Variants in GUCY1A2 observed in about 807,000 individuals in gnomAD.
GUCY1A2 encodes the protein guanylate cyclase 1 soluble subunit alpha 2.
GUCY1A2 carries 27 observed loss-of-function variants against 63.5 expected under a neutral mutation model. The ratio of observed to expected loss-of-function variants is 0.43; its 90% CI spans 0.31 to 0.59. The LOEUF is 0.59. Among genes scored for constraint, GUCY1A2 ranks in the 20% least tolerant of loss-of-function variants. GUCY1A2 has a pLI of 0.11. For synonymous variants in GUCY1A2, 364 were observed against 343.5 expected (o/e 1.06, Z -0.66); for missense variants, 768 against 913.3 (o/e 0.84, Z 2.05).
chr11:106,937,221 A>C (rs1030705563), intron 4 of GUCY1A2, among the ~76,000 whole-genome samples: 1 of 152,156 alleles, frequency 6.6e-6, no homozygotes, highest in African/African-American at 2.4e-5. Flanking sequence ...CTATTACTTT[A>C]TTTTTAAACT....
intron 6 of GUCY1A2, among the ~76,000 whole-genome samples, chr11:106,709,503 TA>T (rs1863011484): frequency 1.9e-5 from 1 of 52,160 alleles, no homozygotes; most frequent in African/African-American, 1.5e-4. Flanking sequence ...TATATAATAA[TA>T]TATATTATTC....
At chr11:106,959,430 C>T (rs1008482296) in intron 3 of GUCY1A2, among the ~76,000 whole-genome samples, 2 of 152,128 alleles carry the variant, frequency 1.3e-5, no homozygotes, top group Non-Finnish European at 2.9e-5. Flanking sequence ...TTTATGTACT[C>T]GGATTCATAA....
chr11:106,682,128 T>C lies in GUCY1A2; in HGVS notation c.*5421A>G, dbSNP rs991339229. The C allele has an allele frequency of 2.9e-5, 6 of 210,402 alleles. No homozygotes were observed. Among genetic ancestry groups the C allele is most frequent in the African/African-American group, 1.4e-4 (6 of 42,586 alleles). 13.0% of individuals were successfully genotyped at this position (210,402 alleles called of 1,614,324 possible). The stretch of plus-strand genomic sequence containing the variant: ...ATTCATCCCTCATGCTTATCAGTGT[T>C]GACGTCTGTCTCTAAGTTTGAAGAT... On this transcript the variant is annotated 3_prime_UTR_variant, in exon 8 of 8. Coordinates refer to ENST00000526355, the MANE Select transcript of GUCY1A2 (RefSeq NM_000855.3).
rs568683372 is a variant in GUCY1A2, at chr11:107,010,416, G to A, written c.303+7337C>T. 3.9e-5 allele frequency among the ~76,000 whole-genome samples: 6 copies of A among 152,214 alleles called. No homozygotes were observed. In the East Asian group the frequency reaches 7.7e-4, roughly 20 times the overall value. ...GAAAATATAAGCAATCCAGACTGTA[G>A]AAGAGTCATTACATTTACCTAACTT... On this transcript the variant is annotated intron_variant, in intron 1 of 7. Coordinates refer to ENST00000526355, the MANE Select transcript of GUCY1A2 (RefSeq NM_000855.3).
At chr11:107,006,978 A>G (rs1861679508) in intron 1 of GUCY1A2, among the ~76,000 whole-genome samples, 2 of 152,226 alleles carry the variant, frequency 1.3e-5, no homozygotes, top group Admixed American at 6.5e-5. Flanking sequence ...GAAGGAAAAT[A>G]TCCACTGCAC....
chr11:106,999,068 C>T lies in GUCY1A2; in HGVS notation c.304-12937G>A, dbSNP rs1861579724. ...TTTAGGAGCACCAGGAGAGCTATCT[C>T]CATCCCACCCACAACCCCATGTTCC... is the stretch of plus-strand genomic sequence containing the variant. On this transcript the variant is annotated intron_variant, in intron 1 of 7. Transcript: ENST00000526355. Among the ~76,000 whole-genome samples, 8 of 152,196 alleles carry T rather than the reference C, an allele frequency of 5.3e-5. No homozygotes were observed. The South Asian group carries it at 1.7e-3, about 31-fold the overall frequency.
intron 7 of GUCY1A2, among the ~76,000 whole-genome samples, chr11:106,699,005 T>A (rs1862771539): frequency 6.6e-6 from 1 of 152,202 alleles, no homozygotes; most frequent in Non-Finnish European, 1.5e-5. Context: ...ATAAACACAC[T>A]AATCATAAGG....
chr11:106,750,219 A>G (rs1395353053), intron 6 of GUCY1A2, among the ~76,000 whole-genome samples: 1 of 152,028 alleles, frequency 6.6e-6, no homozygotes, highest in East Asian at 1.9e-4. Flanking sequence ...CAAGTGTCCA[A>G]AACAGGCAAA....
chr11:106,676,166 T>C lies in GUCY1A2; in HGVS notation c.*11383A>G, dbSNP rs1174895347. ...ATACAATTTTAAGTTTGGGAGATTA[T>C]AAATTCTTTAAATCTTGTTCAAGAT... On this transcript the variant is annotated 3_prime_UTR_variant, in exon 8 of 8. Coordinates refer to ENST00000526355, the MANE Select transcript of GUCY1A2 (RefSeq NM_000855.3). 1 of 181,436 alleles carries C rather than the reference T, an allele frequency of 5.5e-6. No homozygotes were observed. Among genetic ancestry groups the C allele is most frequent in the Non-Finnish European group, 1.2e-5 (1 of 85,046 alleles). The allele number at this position is 181,436 out of a possible 1,614,324, so 11.2% of individuals were successfully genotyped here. A position where few individuals can be genotyped will look rare whatever the true frequency, so the allele number is the denominator to read the frequency against.
rs1005006056 is a variant in GUCY1A2, at chr11:106,675,129, A to G, written c.*12420T>C. On this transcript the variant is annotated 3_prime_UTR_variant, in exon 8 of 8. Transcript: ENST00000526355. ...GTAGGTTGATTTTGAAATGAATGAT[A>G]TGTATTATTTCTGGAATGCACTTAA... 4.7e-6 allele frequency: 1 copy of G among 213,606 alleles called. No homozygotes were observed. The highest frequency in any genetic ancestry group is 9.5e-6 in the Non-Finnish European group (1 of 105,676). The allele number at this position is 213,606 out of a possible 1,614,324, so 13.2% of individuals were successfully genotyped here.
chr11:106,779,375 T>C (rs948814954), intron 5 of GUCY1A2, among the ~76,000 whole-genome samples: 1 of 152,238 alleles, frequency 6.6e-6, no homozygotes, highest in Non-Finnish European at 1.5e-5. Flanking sequence ...TGTGCCTATT[T>C]ACCATTTTAC....
intron 4 of GUCY1A2, among the ~76,000 whole-genome samples, chr11:106,873,585 T>A (rs904847811): frequency 6.6e-6 from 1 of 152,196 alleles, no homozygotes; most frequent in Non-Finnish European, 1.5e-5. Flanking sequence ...AAGTGTATGT[T>A]CATATCCTTT....
chr11:106,965,288 T>A (rs1425545862), intron 3 of GUCY1A2, among the ~76,000 whole-genome samples: 1 of 152,114 alleles, frequency 6.6e-6, no homozygotes, highest in East Asian at 1.9e-4. Flanking sequence ...AATTCCTTCA[T>A]CTGTAAAATG....
rs77097081 is a variant in GUCY1A2, at chr11:106,695,075, C to T, written c.1992-7319G>A. Among the ~76,000 whole-genome samples the T allele has an allele frequency of 6.9e-3, 1,058 of 152,232 alleles. 15 individuals carry two copies. Among genetic ancestry groups the T allele is most frequent in the African/African-American group, 0.023 (972 of 41,538 alleles). On this transcript the variant is annotated intron_variant, in intron 7 of 7. Coordinates refer to ENST00000526355, the MANE Select transcript of GUCY1A2 (RefSeq NM_000855.3). ...GAATATACTTGCTTCTTACCCACTC[C>T]CTCTTCTGTAGGACCTGAGACTTCA...
At chr11:106,951,046 C>T (rs534609531) in intron 3 of GUCY1A2, among the ~76,000 whole-genome samples, 1 of 152,298 alleles carries the variant, frequency 6.6e-6, no homozygotes, top group South Asian at 2.1e-4. Flanking sequence ...CCAGCTTCAT[C>T]CATGTCCCTG....
At chr11:106,770,773 A>C (rs1337865890) in intron 6 of GUCY1A2, among the ~76,000 whole-genome samples, 4 of 151,384 alleles carry the variant, frequency 2.6e-5, no homozygotes, top group African/African-American at 9.6e-5. Flanking sequence ...ATACATGTAA[A>C]TTGCACATTA....
intron 5 of GUCY1A2, among the ~76,000 whole-genome samples, chr11:106,792,532 G>A (rs967359954): frequency 1.6e-4 from 25 of 152,036 alleles, no homozygotes; most frequent in African/African-American, 6.0e-4. Context: ...TATCTCAAGA[G>A]ATGCAGAAAA....
intron 4 of GUCY1A2, among the ~76,000 whole-genome samples, chr11:106,847,165 T>C (rs1254324501): frequency 6.6e-6 from 1 of 150,402 alleles, no homozygotes; most frequent in Non-Finnish European, 1.5e-5. Context: ...AATATTTAAT[T>C]GGATACTCAA....
rs184221259 is a variant in GUCY1A2, at chr11:106,928,777, G to A, written c.1206+10683C>T. 6.6e-5 allele frequency among the ~76,000 whole-genome samples: 10 copies of A among 152,194 alleles called. No homozygotes were observed. In the East Asian group the frequency reaches 1.7e-3, roughly 26 times the overall value. On this transcript the variant is annotated intron_variant, in intron 4 of 7. Coordinates refer to ENST00000526355, the MANE Select transcript of GUCY1A2 (RefSeq NM_000855.3). ...AATACTGTAAGAACTGGAACACAAT[G>A]GTATTTTTGTGTCTAAACATTGAAA...
Sources: gnomAD v4.1 joint callset for allele counts (sites outside exome capture counted in the v4.1 genomes callset) on GRCh38, gnomAD v4.1.1 for gene constraint, MANE v1.5 for transcripts, NCBI Gene and HGNC (gene_info 2026-07-23, HGNC 2026-07-21) for gene names.